RHOT1: variants seen among roughly 807,000 people sequenced by gnomAD.
The protein encoded by RHOT1 is mitochondrial Rho GTPase 1.
A neutral mutation model predicts 95.3 loss-of-function variants in RHOT1; 27 were observed. That is an observed-to-expected ratio of 0.28 (90% confidence interval 0.21 to 0.39). RHOT1 has a LOEUF of 0.39. Among genes scored for constraint, RHOT1 ranks in the 10% least tolerant of loss-of-function variants. The pLI, the probability that RHOT1 is intolerant of heterozygous loss-of-function variation, is 1.00. For missense variants in RHOT1, 578 were observed against 786.7 expected, an observed-to-expected ratio of 0.73 and a Z score of 3.17; for synonymous variants, 227 against 263.5, an observed-to-expected ratio of 0.86 and a Z score of 1.34.
At position 32,208,161 on chromosome 17, in the gene RHOT1, C is replaced by A; in HGVS notation, c.1591C>A (p.Leu531Met). The A allele has an allele frequency of 6.2e-7, 1 of 1,614,096 alleles. No homozygotes were observed. The highest frequency in any genetic ancestry group is 8.5e-7 in the Non-Finnish European group (1 of 1,179,962). ...CTTAATCGTAGCTGCAAAGTCAGAC[C>A]TGCATGAAGTTAAACAAGAATACAG... ...PCLIVAAKSDLHEVKQEYSIS... is the reference protein window; with the variant it reads ...PCLIVAAKSDMHEVKQEYSIS... The change falls in exon 18 of 20, where the codon CTG (leucine) becomes ATG (methionine). Residue 531 changes from leucine (L) to methionine (M), a missense_variant. Physicochemically the swap from Leu to Met is conservative, Grantham distance 15. Around this residue, in one of 4 missense-constraint regions of RHOT1, gnomAD observed 296 missense variants for 338.5 expected, o/e 0.87. Transcript: ENST00000545287.
intron 8 of RHOT1, among the ~76,000 whole-genome samples, chr17:32,188,529 G>A (rs933250414): frequency 6.6e-6 from 1 of 152,170 alleles, no homozygotes; most frequent in Non-Finnish European, 1.5e-5. Flanking sequence ...TCAAAGATGG[G>A]ACATGTAAAA....
intron 1 of RHOT1, among the ~76,000 whole-genome samples, chr17:32,148,196 C>T (rs1025424178): frequency 3.3e-5 from 5 of 151,930 alleles, no homozygotes; most frequent in South Asian, 2.1e-4. Flanking sequence ...ATCCGGGAGG[C>T]GGAGTTTGCA....
At chr17:32,156,645 T>A (rs2032992543) in intron 1 of RHOT1, among the ~76,000 whole-genome samples, 1 of 152,254 alleles carries the variant, frequency 6.6e-6, no homozygotes, top group Non-Finnish European at 1.5e-5. Flanking sequence ...TTTAAGCATA[T>A]GCCGTAAGCA....
At chr17:32,211,041 T>C in intron 18 of RHOT1, 75 bp from the exon 19 acceptor site, 1 of 1,421,828 alleles carries the variant, frequency 7.0e-7, no homozygotes, top group Non-Finnish European at 9.5e-7. Flanking sequence ...CTTTTTTTTT[T>C]AAGTTGGCAC....
chr17:32,181,221 C>T (rs2035606870), intron 6 of RHOT1, among the ~76,000 whole-genome samples: 1 of 152,100 alleles, frequency 6.6e-6, no homozygotes, highest in African/African-American at 2.4e-5. Context: ...CCTTAATATC[C>T]CCATTAAGAT....
chr17:32,214,402 A>C (rs771705828), intron 19 of RHOT1, among the ~76,000 whole-genome samples: 8 of 152,232 alleles, frequency 5.3e-5, no homozygotes, highest in Non-Finnish European at 4.4e-5. Flanking sequence ...AGATTGTTAG[A>C]GATTAGCAAT....
chr17:32,147,799 A>T (rs2031601796), intron 1 of RHOT1, among the ~76,000 whole-genome samples: 3 of 151,194 alleles, frequency 2.0e-5, no homozygotes, highest in Admixed American at 2.0e-4. Flanking sequence ...AGCCTGGGCG[A>T]TAGAGTGAGA....
Position 32,142,749 on chromosome 17 carries a change from C to A in RHOT1, c.37+20C>A. 1 of 1,501,992 alleles carries A rather than the reference C, an allele frequency of 6.7e-7. No individual in the cohort carries two copies. Among genetic ancestry groups the A allele is most frequent in the Non-Finnish European group, 8.9e-7 (1 of 1,126,730 alleles). 93.0% of individuals were successfully genotyped at this position (1,501,992 alleles called of 1,614,324 possible). ...GAGAACGTGAGTCCGCACCCTCTGG[C>A]CGGCCCCTGAGTCCCTGCCCTCCCT... On this transcript the variant is annotated intron_variant, in intron 1 of 19. Transcript: ENST00000545287.
intron 14 of RHOT1, among the ~76,000 whole-genome samples, chr17:32,201,550 T>C (rs2044206): frequency 0.28 from 43,054 of 152,102 alleles, 8,068 homozygotes; most frequent in African/African-American, 0.54. Context: ...CCATATCTTA[T>C]GGGAAGCCCT....
intron 8 of RHOT1, among the ~76,000 whole-genome samples, chr17:32,191,093 C>T (rs1322894416): frequency 6.6e-6 from 1 of 152,166 alleles, no homozygotes; most frequent in Admixed American, 6.6e-5. Flanking sequence ...CCGCGCCCAG[C>T]CTCAAATGCT....
At chr17:32,212,709 T>C (rs1005887913) in intron 19 of RHOT1, among the ~76,000 whole-genome samples, 1 of 152,138 alleles carries the variant, frequency 6.6e-6, no homozygotes, top group Non-Finnish European at 1.5e-5. Context: ...TATAACTTTC[T>C]CTCTTTAGTT....
At chr17:32,170,396 C>T (rs948402261) in intron 1 of RHOT1, among the ~76,000 whole-genome samples, 6 of 151,722 alleles carry the variant, frequency 4.0e-5, no homozygotes, top group African/African-American at 7.3e-5. Flanking sequence ...GCCTAGGCAA[C>T]GGAGTGAGAC....
At chr17:32,178,038 T>C (rs1380778326) in intron 6 of RHOT1, among the ~76,000 whole-genome samples, 1 of 151,886 alleles carries the variant, frequency 6.6e-6, no homozygotes, top group Non-Finnish European at 1.5e-5. Context: ...TTGGCTAGGC[T>C]GGTCTTAAAC....
At chr17:32,220,933 T>A (rs775408424) in intron 19 of RHOT1, 1 of 387,320 alleles carries the variant, frequency 2.6e-6, no homozygotes, top group Non-Finnish European at 3.5e-6. Flanking sequence ...TTTTTTATAT[T>A]TGAAAATAAA....
chr17:32,155,452 G>A (rs990974784), intron 1 of RHOT1, among the ~76,000 whole-genome samples: 14 of 150,346 alleles, frequency 9.3e-5, no homozygotes, highest in Non-Finnish European at 1.8e-4. Context: ...GAGCCACTGC[G>A]CCCAGCCTAA....
At chr17:32,198,800 T>C in intron 11 of RHOT1, 147 bp from the exon 12 acceptor site, 1 of 593,184 alleles carries the variant, frequency 1.7e-6, no homozygotes, top group Non-Finnish European at 3.0e-6. Context: ...CTCCAGAGAG[T>C]TTCCTTGGGA....
chr17:32,214,848 T>TA (rs528275137), intron 19 of RHOT1, among the ~76,000 whole-genome samples: 83 of 151,900 alleles, frequency 5.5e-4, no homozygotes, highest in African/African-American at 1.6e-3. Context: ...CTACCATGCT[T>TA]AGTGTTTGAT....
intron 2 of RHOT1, 63 bp downstream of exon 2, chr17:32,171,164 C>T (rs953922530): frequency 1.6e-5 from 18 of 1,123,476 alleles, no homozygotes; most frequent in Non-Finnish European, 2.3e-5. Context: ...TTAAAATGAA[C>T]TGAATTCTGT....
intron 1 of RHOT1, among the ~76,000 whole-genome samples, chr17:32,149,423 G>A (rs566105217): frequency 1.4e-5 from 2 of 147,784 alleles, no homozygotes; most frequent in East Asian, 3.9e-4. Flanking sequence ...TATCATATTT[G>A]CCATTATTAA....
Sources: allele counts gnomAD v4.1 joint callset (sites outside exome capture counted in the v4.1 genomes callset), GRCh38; gene constraint gnomAD v4.1.1; regional missense constraint gnomAD v4.1.1; transcripts MANE v1.5; gene names NCBI Gene and HGNC (gene_info 2026-07-23, HGNC 2026-07-21).